Variants in SORCS1 observed in about 807,000 individuals in gnomAD.
SORCS1 encodes VPS10 domain-containing receptor SorCS1.
SORCS1 carries 60 observed loss-of-function variants against 146.1 expected under a neutral mutation model. That is an observed-to-expected ratio of 0.41 (90% CI 0.33 to 0.51). The LOEUF (loss-of-function observed/expected upper bound fraction) is 0.51, where lower values mean the gene tolerates loss of function less well. Ranked by LOEUF, SORCS1 falls within the 20% of genes least tolerant of loss-of-function variation. The pLI, the probability that SORCS1 is intolerant of heterozygous loss-of-function variation, is 0.21. For missense variants in SORCS1, 1,352 were observed against 1,487.6 expected (o/e 0.91, Z 1.50); for synonymous variants, 637 against 584.0 (o/e 1.09, Z -1.31).
At chr10:106,616,045 CT>C (rs934671714) in intron 21 of SORCS1, among the ~76,000 whole-genome samples, 2 of 152,154 alleles carry the variant, frequency 1.3e-5, no homozygotes, top group African/African-American at 4.8e-5. Flanking sequence ...CTAGCAAAGT[CT>C]TCATCAATGT....
intron 23 of SORCS1, chr10:106,600,490 G>A: frequency 1.0e-6 from 1 of 983,228 alleles, no homozygotes; most frequent in African/African-American, 1.7e-5. Context: ...CTACTGAAAT[G>A]AGTATGAAAC....
At chr10:106,927,886 C>G (rs187382778) in intron 2 of SORCS1, among the ~76,000 whole-genome samples, 84 of 152,274 alleles carry the variant, frequency 5.5e-4, no homozygotes, top group African/African-American at 1.9e-3. Flanking sequence ...TAAAGGTTCT[C>G]CAAGGCCCCA....
intron 1 of SORCS1, among the ~76,000 whole-genome samples, chr10:107,128,141 A>G (rs7089234): frequency 0.13 from 19,644 of 152,232 alleles, 1,461 homozygotes; most frequent in East Asian, 0.36. Context: ...CATAGGCAGG[A>G]AACAAATTCC....
Position 106,701,673 on chromosome 10 carries a change from A to C in SORCS1, c.1234-2280T>G, listed in dbSNP as rs545838873. Among the ~76,000 whole-genome samples, 9 of 152,350 alleles carry C rather than the reference A, an allele frequency of 5.9e-5. No individual in the cohort carries two copies. In the South Asian group the frequency reaches 1.4e-3, roughly 25 times the overall value. ...CATTTAAGAAGCTCATCCCACCGCCAGACTTTTCAGTTAAAGAAGACAGTC... is the reference window on the plus strand; with the variant it reads ...CATTTAAGAAGCTCATCCCACCGCCCGACTTTTCAGTTAAAGAAGACAGTC... On this transcript the variant is annotated intron_variant, in intron 8 of 25. Transcript: ENST00000263054.
In SORCS1 at chr10:107,164,437, G is replaced by A; in HGVS notation, c.90C>T (p.Gly30=). The A allele has an allele frequency of 7.1e-7, 1 of 1,409,474 alleles. No individual in the cohort carries two copies. The highest frequency in any genetic ancestry group is 9.2e-7 in the Non-Finnish European group (1 of 1,087,822). The allele number at this position is 1,409,474 out of a possible 1,614,324, so 87.3% of individuals were successfully genotyped here. A position where few individuals can be genotyped will look rare whatever the true frequency, so the allele number is the denominator to read the frequency against. The part of the protein sequence containing the change: ...GAGLLILCAP[G]VCGGGSCCPS... Reference sequence around the variant, plus strand: ...GGCAGCAGGAGCCGCCGCCGCAGACGCCCGGGGCGCAGAGGATCAAGAGCC... The same window carrying A: ...GGCAGCAGGAGCCGCCGCCGCAGACACCCGGGGCGCAGAGGATCAAGAGCC... The change falls in exon 1 of 26, where the codon GGC becomes GGT. Residue 30 remains glycine, a synonymous_variant. Transcript: ENST00000263054. The surrounding 1 kb of genome is among the most constrained non-coding windows in gnomAD (Gnocchi z 6.8).
chr10:107,130,750 T>A (rs1966858103), intron 1 of SORCS1, among the ~76,000 whole-genome samples: 5 of 152,068 alleles, frequency 3.3e-5, no homozygotes, highest in Admixed American at 1.3e-4. Context: ...TTTTTTTTTT[T>A]TAATCCTAGA....
chr10:106,604,193 G>A (rs1846423415), intron 23 of SORCS1, among the ~76,000 whole-genome samples: 1 of 152,162 alleles, frequency 6.6e-6, no homozygotes, highest in East Asian at 1.9e-4. Flanking sequence ...AAGTAATTTG[G>A]TGATACTTTT....
At chr10:106,740,284 A>T (rs527893064) in intron 5 of SORCS1, among the ~76,000 whole-genome samples, 1 of 152,298 alleles carries the variant, frequency 6.6e-6, no homozygotes, top group South Asian at 2.1e-4. Flanking sequence ...GGGTGCAGGT[A>T]AGTCACCATG....
At chr10:106,996,331 C>T (rs1245225394) in intron 1 of SORCS1, among the ~76,000 whole-genome samples, 1 of 150,516 alleles carries the variant, frequency 6.6e-6, no homozygotes, top group Non-Finnish European at 1.5e-5. Context: ...TACAAGGGAA[C>T]AGAATTTACT....
intron 1 of SORCS1, among the ~76,000 whole-genome samples, chr10:107,133,250 G>A (rs1357206909): frequency 3.9e-5 from 6 of 152,114 alleles, no homozygotes; most frequent in Non-Finnish European, 8.8e-5. Context: ...TTTTTGGGTG[G>A]ATACAGCTTT....
chr10:106,710,301 G>C (rs1169984097), intron 6 of SORCS1, among the ~76,000 whole-genome samples: 1 of 152,006 alleles, frequency 6.6e-6, no homozygotes, highest in Admixed American at 6.6e-5. Flanking sequence ...ACAAAAATGA[G>C]CTGGGCGCAG....
intron 10 of SORCS1, among the ~76,000 whole-genome samples, chr10:106,687,087 A>G (rs2135621345): frequency 6.6e-6 from 1 of 152,312 alleles, no homozygotes; most frequent in Middle Eastern, 3.4e-3. Context: ...CATTGATAGT[A>G]TTAATAATGT....
At chr10:106,674,954 C>G (rs1278621264) in intron 14 of SORCS1, 95 bp downstream of exon 14, 2 of 960,292 alleles carry the variant, frequency 2.1e-6, no homozygotes, top group African/African-American at 3.3e-5. Context: ...AACCTTGAAC[C>G]TAACAGCTGC....
intron 1 of SORCS1, among the ~76,000 whole-genome samples, chr10:107,020,838 T>C (rs1958094563): frequency 6.6e-6 from 1 of 152,192 alleles, no homozygotes; most frequent in Admixed American, 6.5e-5. Context: ...CTAAGCAAAA[T>C]ATTTTTTTTC....
At chr10:107,141,259 T>C (rs556242462) in intron 1 of SORCS1, among the ~76,000 whole-genome samples, 2 of 152,338 alleles carry the variant, frequency 1.3e-5, no homozygotes, top group South Asian at 4.1e-4. Context: ...CTAAGTTTTA[T>C]CTTGGCTACT....
chr10:106,902,358 A>G, intron 2 of SORCS1, among the ~76,000 whole-genome samples: 1 of 152,182 alleles, frequency 6.6e-6, no homozygotes, highest in Non-Finnish European at 1.5e-5. Context: ...TGTCTTGAAA[A>G]TTATCAAAAT....
chr10:106,578,816 A>G (rs1346775795), intron 25 of SORCS1: 2 of 1,299,208 alleles, frequency 1.5e-6, no homozygotes, highest in Non-Finnish European at 2.0e-6. Context: ...GCCCATAAAC[A>G]TATAACATTT....
chr10:106,813,098 G>A (rs567432877), intron 3 of SORCS1, among the ~76,000 whole-genome samples: 8 of 149,868 alleles, frequency 5.3e-5, no homozygotes, highest in African/African-American at 7.4e-5. Flanking sequence ...TAGGACAGGC[G>A]CATTTCTTTG....
intron 21 of SORCS1, among the ~76,000 whole-genome samples, chr10:106,615,293 CT>C (rs1419900912): frequency 1.3e-5 from 2 of 152,166 alleles, no homozygotes; most frequent in African/African-American, 4.8e-5. Flanking sequence ...CTCCCAGTCT[CT>C]GCGGGAGAGT....
Sources: allele counts gnomAD v4.1 joint callset (sites outside exome capture counted in the v4.1 genomes callset), GRCh38; gene constraint gnomAD v4.1.1; non-coding constraint Gnocchi (gnomAD v3.1); transcripts MANE v1.5; gene names NCBI Gene and HGNC (gene_info 2026-07-23, HGNC 2026-07-21).